Variants in DIAPH3 observed in about 807,000 individuals in gnomAD.
DIAPH3 encodes diaphanous related formin 3, also known as protein diaphanous homolog 3.
In DIAPH3, 117 loss-of-function variants were observed where a neutral mutation model predicts 144.3. The observed-to-expected ratio is 0.81, with a 90% CI of 0.70 to 0.95. The LOEUF is 0.95. Among genes scored for constraint, DIAPH3 ranks in the 40% least tolerant of loss-of-function variants. DIAPH3 has a pLI of 0.00. For synonymous variants in DIAPH3, 519 were observed against 488.9 expected, an observed-to-expected ratio of 1.06 and a Z score of -0.81; for missense variants, 1,421 against 1,412.7, an observed-to-expected ratio of 1.01 and a Z score of -0.09.
chr13:59,868,072 C>CCACTGCAGGCATGCGCAAAT (rs2044037827), intron 21 of DIAPH3, among the ~76,000 whole-genome samples: 3 of 151,900 alleles, frequency 2.0e-5, no homozygotes, highest in African/African-American at 7.3e-5. Flanking sequence ...TTTCATAGTG[C>CCACTGCAGGCATGCGCAAAT]CAGTCTATGA....
At position 59,825,983 on chromosome 13, in the gene DIAPH3, C is replaced by A. The variant is rs551632843; in HGVS notation, c.3027+7124G>T. On this transcript the variant is annotated intron_variant, in intron 24 of 27. Transcript: ENST00000400324. ...AAGGCCTTTGACAAAATTCAACAAC[C>A]TTCATGCTAAAAACTCTCAATAAAT... is the stretch of plus-strand genomic sequence containing the variant. 4.8e-3 allele frequency among the ~76,000 whole-genome samples: 738 copies of A among 152,178 alleles called. 3 individuals carry two copies. The highest frequency in any genetic ancestry group is 0.032 in the South Asian group (153 of 4,828).
intron 21 of DIAPH3, among the ~76,000 whole-genome samples, chr13:59,862,856 G>T (rs2043681417): frequency 6.6e-6 from 1 of 151,980 alleles, no homozygotes; most frequent in South Asian, 2.1e-4. Flanking sequence ...CTAAAAACTG[G>T]TTAAACAAGT....
intron 2 of DIAPH3, among the ~76,000 whole-genome samples, chr13:60,127,365 A>T (rs1447504899): frequency 6.6e-6 from 1 of 152,156 alleles, no homozygotes; most frequent in Non-Finnish European, 1.5e-5. Flanking sequence ...TATATCTAGT[A>T]ACAGACATTT....
At chr13:60,016,234 A>G in intron 5 of DIAPH3, 89 bp from the exon 6 acceptor site, 1 of 1,158,024 alleles carries the variant, frequency 8.6e-7, no homozygotes. Flanking sequence ...TATATTTGCT[A>G]TATTCCTAAT....
intron 1 of DIAPH3, among the ~76,000 whole-genome samples, chr13:60,133,637 C>T (rs948460264): frequency 6.6e-6 from 1 of 152,028 alleles, no homozygotes. Context: ...GATTTCCTTG[C>T]TAGACAAACA....
chr13:60,134,646 A>G (rs2059223487), intron 1 of DIAPH3, among the ~76,000 whole-genome samples: 1 of 152,210 alleles, frequency 6.6e-6, no homozygotes, highest in African/African-American at 2.4e-5. Context: ...AATCAGAGGT[A>G]TCACTCCAAT....
At chr13:59,995,489 C>T (rs2052133605) in intron 9 of DIAPH3, among the ~76,000 whole-genome samples, 1 of 151,886 alleles carries the variant, frequency 6.6e-6, no homozygotes, top group Non-Finnish European at 1.5e-5. Context: ...AAGCAGTTTA[C>T]CCCGATATTG....
At chr13:60,024,944 G>A (rs138520229) in intron 5 of DIAPH3, among the ~76,000 whole-genome samples, 271 of 152,226 alleles carry the variant, frequency 1.8e-3, no homozygotes, top group African/African-American at 6.0e-3. Flanking sequence ...GGATGTGGAC[G>A]TCTGTTATCA....
chr13:60,014,969 T>TTTTTGTTTTGTTTTG (rs71089521), intron 7 of DIAPH3, among the ~76,000 whole-genome samples: 7,224 of 147,066 alleles, frequency 0.049, 322 homozygotes, highest in African/African-American at 0.11. Context: ...TTTTCTAGTT[T>TTTTTGTTTTGTTTTG]TTTTGTTTTG....
intron 27 of DIAPH3, among the ~76,000 whole-genome samples, chr13:59,732,819 A>G (rs1266199813): frequency 6.6e-6 from 1 of 152,204 alleles, no homozygotes; most frequent in African/African-American, 2.4e-5. Flanking sequence ...GTGAAATCAG[A>G]AAATTAGAAC....
intron 25 of DIAPH3, among the ~76,000 whole-genome samples, chr13:59,781,117 A>G (rs974722520): frequency 6.6e-6 from 1 of 152,212 alleles, no homozygotes; most frequent in Admixed American, 6.5e-5. Context: ...GAAATTTTAA[A>G]TAACTAAGCA....
chr13:60,069,901 G>A (rs946385609), intron 4 of DIAPH3, among the ~76,000 whole-genome samples: 19 of 152,120 alleles, frequency 1.2e-4, no homozygotes, highest in Middle Eastern at 3.4e-3. Context: ...GTTTGAAGTC[G>A]GGTAGTGAAA....
intron 9 of DIAPH3, among the ~76,000 whole-genome samples, chr13:59,993,042 G>A (rs72626801): frequency 0.077 from 11,703 of 151,514 alleles, 753 homozygotes; most frequent in East Asian, 0.39. Flanking sequence ...GGTCAACAAG[G>A]GTCTTAACTC....
At chr13:59,744,107 G>C (rs1270102249) in intron 27 of DIAPH3, among the ~76,000 whole-genome samples, 1 of 152,046 alleles carries the variant, frequency 6.6e-6, no homozygotes, top group Non-Finnish European at 1.5e-5. Flanking sequence ...ACATTGAACT[G>C]TGCCCTATGA....
chr13:60,025,229 TCTGTGC>T (rs2054295739), intron 5 of DIAPH3, among the ~76,000 whole-genome samples: 1 of 152,004 alleles, frequency 6.6e-6, no homozygotes, highest in Admixed American at 6.5e-5. Flanking sequence ...ACTTCTTTGT[TCTGTGC>T]CCACTGTCAC....
chr13:59,751,406 T>G (rs1012973128), intron 27 of DIAPH3, among the ~76,000 whole-genome samples: 7 of 152,240 alleles, frequency 4.6e-5, no homozygotes, highest in African/African-American at 1.7e-4. Context: ...GATCCATTCC[T>G]TTAAAATTCC....
chr13:59,881,874 T>C (rs2045074825), intron 20 of DIAPH3, among the ~76,000 whole-genome samples: 1 of 152,172 alleles, frequency 6.6e-6, no homozygotes, highest in Non-Finnish European at 1.5e-5. Flanking sequence ...AATCAGTATT[T>C]GACTATTATT....
intron 17 of DIAPH3, among the ~76,000 whole-genome samples, chr13:59,925,632 T>G (rs1434032443): frequency 6.6e-6 from 1 of 152,156 alleles, no homozygotes; most frequent in Admixed American, 6.5e-5. Context: ...GAATTGGTGT[T>G]AGTTCTTCCT....
intron 3 of DIAPH3, among the ~76,000 whole-genome samples, chr13:60,109,204 G>A (rs556360612): frequency 6.6e-6 from 1 of 152,144 alleles, no homozygotes; most frequent in South Asian, 2.1e-4. Context: ...AAAGTGAAGT[G>A]TGTGTCACAG....
Sources: allele counts gnomAD v4.1 joint callset (sites outside exome capture counted in the v4.1 genomes callset), GRCh38; gene constraint gnomAD v4.1.1; transcripts MANE v1.5; gene names NCBI Gene and HGNC (gene_info 2026-07-23, HGNC 2026-07-21).